Variants in CHD2 observed in about 807,000 individuals in gnomAD.
CHD2 encodes the protein ATP-dependent chromatin remodeler CHD2.
A neutral mutation model predicts 243.9 loss-of-function variants in CHD2; 28 were observed. The ratio of observed to expected loss-of-function variants is 0.11; its 90% CI spans 0.09 to 0.16. The LOEUF is 0.16. Ranked by LOEUF, CHD2 falls within the 10% of genes least tolerant of loss-of-function variation. The pLI is 1.00. For missense variants in CHD2, 1,386 were observed against 2,209.8 expected (o/e 0.63, Z 7.47); for synonymous variants, 775 against 779.0 (o/e 0.99, Z 0.09).
intron 2 of CHD2, among the ~76,000 whole-genome samples, chr15:92,903,204 T>C (rs1000025751): frequency 6.6e-6 from 1 of 152,248 alleles, no homozygotes; most frequent in Non-Finnish European, 1.5e-5. Flanking sequence ...TGTAGAATGT[T>C]AGTGGTGTTT....
chr15:92,950,435 A>G (rs1396401921), intron 13 of CHD2: 1 of 152,202 alleles, frequency 6.6e-6, no homozygotes, highest in Non-Finnish European at 1.5e-5. Context: ...ATGCAGTGTA[A>G]GAAGTACCTT....
intron 19 of CHD2, chr15:92,974,163 G>A (rs973619282): frequency 2.0e-5 from 3 of 152,206 alleles, no homozygotes; most frequent in Non-Finnish European, 2.9e-5. Flanking sequence ...CAGCATGCAG[G>A]TGATAATTCT....
At chr15:92,924,040 A>C (rs575057869) in intron 2 of CHD2, among the ~76,000 whole-genome samples, 1 of 152,354 alleles carries the variant, frequency 6.6e-6, no homozygotes, top group South Asian at 2.1e-4. Flanking sequence ...TGAAGGGGAC[A>C]GTAATATCCA....
intron 24 of CHD2, among the ~76,000 whole-genome samples, chr15:92,983,003 G>A (rs2053998752): frequency 6.6e-6 from 1 of 152,280 alleles, no homozygotes; most frequent in East Asian, 1.9e-4. Flanking sequence ...TTCTGGTGGA[G>A]GCTCTCAGGT....
chr15:92,969,810 T>A (rs1039884721), intron 17 of CHD2, among the ~76,000 whole-genome samples: 1 of 144,988 alleles, frequency 6.9e-6, no homozygotes, highest in Admixed American at 7.0e-5. Flanking sequence ...GGTTAAGATT[T>A]TCTTTTTTTT....
At chr15:92,977,472 A>G (rs1245560396) in intron 20 of CHD2, among the ~76,000 whole-genome samples, 1 of 152,160 alleles carries the variant, frequency 6.6e-6, no homozygotes, top group Admixed American at 6.5e-5. Flanking sequence ...GACATATATG[A>G]TTAAATTCCC....
chr15:92,912,889 G>T (rs556138072), intron 2 of CHD2, among the ~76,000 whole-genome samples: 53 of 152,334 alleles, frequency 3.5e-4, no homozygotes, highest in Middle Eastern at 3.4e-3. Flanking sequence ...CCATTTAGAT[G>T]CAGGTTGGCA....
At position 92,998,723 on chromosome 15, in the gene CHD2, T is replaced by G. The variant is rs150697761; in HGVS notation, c.4008+102T>G. 1.2e-4 allele frequency: 165 copies of G among 1,358,292 alleles called. 1 individual carries two copies. The East Asian group carries it at 3.7e-3, about 30-fold the overall frequency. The allele number at this position is 1,358,292 out of a possible 1,614,324, so 84.1% of individuals were successfully genotyped here. Reference sequence around the variant, plus strand: ...CCCTCTCTGAGCACTGCACAGAATGTCACCTTCTCATGGGCATATTTTGTT... The same window carrying G: ...CCCTCTCTGAGCACTGCACAGAATGGCACCTTCTCATGGGCATATTTTGTT... On this transcript the variant is annotated intron_variant, in intron 31 of 38. Transcript: ENST00000394196. This position sits in a 1 kb window ranked among gnomAD's most constrained non-coding sequence, Gnocchi z 5.1.
chr15:92,901,121 G>C, intron 1 of CHD2, 46 bp from the exon 2 acceptor site: 1 of 688,322 alleles, frequency 1.5e-6, no homozygotes. Flanking sequence ...ATAATAAAAA[G>C]CATCGATAGA....
At position 92,998,100 on chromosome 15, in the gene CHD2, G is replaced by A. The variant is rs746481006; in HGVS notation, c.3886-399G>A. The A allele has an allele frequency of 2.3e-5, 19 of 813,792 alleles. No individual in the cohort carries two copies. Among genetic ancestry groups the A allele is most frequent in the Non-Finnish European group, 2.7e-5 (18 of 667,410 alleles). 50.4% of individuals were successfully genotyped at this position (813,792 alleles called of 1,614,324 possible). On this transcript the variant is annotated intron_variant, in intron 30 of 38. Transcript: ENST00000394196. This position sits in a 1 kb window ranked among gnomAD's most constrained non-coding sequence, Gnocchi z 5.1. The stretch of plus-strand genomic sequence containing the variant: ...GTCCTGGCGTAGCTCAGTGCTCTCC[G>A]GCAATGCTCTAAGAAGCATTTTCAA...
intron 37 of CHD2, among the ~76,000 whole-genome samples, chr15:93,018,744 G>A (rs1048496825): frequency 2.0e-5 from 3 of 151,806 alleles, no homozygotes; most frequent in Non-Finnish European, 2.9e-5. Flanking sequence ...GACTCACGCC[G>A]ATTTCTGCCT....
Position 92,924,383 on chromosome 15 carries a change from G to A in CHD2, c.125G>A (p.Gly42Glu). ...DSGSQSESEQ[G>E]SDPGSGHGSE... ...GGCAGTCAGTCGGAAAGTGAGCAGG[G>A]AAGTGATCCAGGAAGTGGACATGGC... Residue 42 changes from glycine (G) to glutamate (E), a missense_variant, in exon 3 of 39, where the codon GGA (glycine) becomes GAA (glutamate). Physicochemically the swap from Gly to Glu is moderately conservative, Grantham distance 98. This residue lies in a region of CHD2 where 89 missense variants were observed against 102.4 expected (regional missense o/e 0.87). Transcript: ENST00000394196. The A allele has an allele frequency of 6.2e-7, 1 of 1,614,074 alleles. No individual in the cohort carries two copies. Among genetic ancestry groups the A allele is most frequent in the Non-Finnish European group, 8.5e-7 (1 of 1,180,012 alleles).
Position 92,949,007 on chromosome 15 carries a change from G to A in CHD2, c.1433G>A (p.Gly478Glu). 1 of 1,614,118 alleles carries A rather than the reference G, an allele frequency of 6.2e-7. No individual in the cohort carries two copies. The highest frequency in any genetic ancestry group is 8.5e-7 in the Non-Finnish European group (1 of 1,180,008). Residue 478 changes from glycine to glutamate, a missense_variant, in exon 13 of 39, where the codon GGA becomes GAA. By Grantham distance (98) the Gly-to-Glu change is moderately conservative. Coordinates refer to ENST00000394196, the MANE Select transcript of CHD2 (RefSeq NM_001271.4). ...VALKKQPAYL[G>E]GENLELRDYQ... ...TTAAAGAAACAACCTGCATATTTAG[G>A]AGGGGAGAATCTGGAACTTCGAGAT...
In CHD2 at chr15:92,937,597, G is replaced by T; in HGVS notation, c.523G>T (p.Val175Leu). ...AGAGAGTGAGCCAGAACAAAAAAAA[G>T]TAAAAGCCAGAAGACCTGTCCCCAG... ...SAESEPEQKK[V>L]KARRPVPRRT... Residue 175 changes from valine to leucine, a missense_variant, in exon 6 of 39, where the codon GTA becomes TTA. Physicochemically the swap from Val to Leu is conservative, Grantham distance 32 (BLOSUM62 1). Around this residue, in one of 19 missense-constraint regions of CHD2, gnomAD observed 90 missense variants for 78.0 expected, o/e 1.15. Coordinates refer to ENST00000394196, the MANE Select transcript of CHD2 (RefSeq NM_001271.4). 1 of 1,613,608 alleles carries T rather than the reference G, an allele frequency of 6.2e-7. No homozygotes were observed. Among genetic ancestry groups the T allele is most frequent in the Non-Finnish European group, 8.5e-7 (1 of 1,179,738 alleles).
chr15:92,977,230 G>C (rs968638736), intron 20 of CHD2, among the ~76,000 whole-genome samples: 1 of 152,146 alleles, frequency 6.6e-6, no homozygotes, highest in Admixed American at 6.5e-5. Flanking sequence ...TATGTGCCTG[G>C]ACACTCCTGT....
Position 92,997,483 on chromosome 15 carries a change from T to C in CHD2, c.3885+80T>C, listed in dbSNP as rs1025193901. On this transcript the variant is annotated intron_variant, in intron 30 of 38. Coordinates refer to ENST00000394196, the MANE Select transcript of CHD2 (RefSeq NM_001271.4). This position sits in a 1 kb window ranked among gnomAD's most constrained non-coding sequence, Gnocchi z 4.1. ...TATATCGATTACTTATTTCTAACTA[T>C]TTTCGAGGGGGCATCAAATTAGAAA... is the stretch of plus-strand genomic sequence containing the variant. 1 of 1,292,728 alleles carries C rather than the reference T, an allele frequency of 7.7e-7. No individual in the cohort carries two copies. The highest frequency in any genetic ancestry group is 1.0e-6 in the Non-Finnish European group (1 of 962,762). The allele number at this position is 1,292,728 out of a possible 1,614,324, so 80.1% of individuals were successfully genotyped here. A position where few individuals can be genotyped will look rare whatever the true frequency, so the allele number is the denominator to read the frequency against.
At chr15:92,911,824 T>G (rs2052741999) in intron 2 of CHD2, among the ~76,000 whole-genome samples, 1 of 152,158 alleles carries the variant, frequency 6.6e-6, no homozygotes, top group South Asian at 2.1e-4. Flanking sequence ...AAATCTTGCA[T>G]AATTCTGTAG....
Position 93,027,362 on chromosome 15 carries a change from G to C in CHD2, c.*2657G>C, listed in dbSNP as rs527536928. 7 of 152,320 alleles carry C rather than the reference G, an allele frequency of 4.6e-5. No homozygotes were observed. In the East Asian group the frequency reaches 1.2e-3, roughly 25 times the overall value. The allele number at this position is 152,320 out of a possible 1,614,324, so 9.4% of individuals were successfully genotyped here. A position where few individuals can be genotyped will look rare whatever the true frequency, so the allele number is the denominator to read the frequency against. ...TTAGCATCACCTAAAACCTGCACGT[G>C]AACAAGGGTTGACATGATACACTAT... On this transcript the variant is annotated 3_prime_UTR_variant, in exon 39 of 39. Coordinates refer to ENST00000394196, the MANE Select transcript of CHD2 (RefSeq NM_001271.4).
At chr15:92,951,418 G>C (rs745623777) in intron 13 of CHD2, among the ~76,000 whole-genome samples, 2 of 152,104 alleles carry the variant, frequency 1.3e-5, no homozygotes, top group Non-Finnish European at 2.9e-5. Context: ...TGATCTGCCT[G>C]CCTTGGCCTC....
Sources: allele counts gnomAD v4.1 joint callset (sites outside exome capture counted in the v4.1 genomes callset), GRCh38; gene constraint gnomAD v4.1.1; regional missense constraint gnomAD v4.1.1; non-coding constraint Gnocchi (gnomAD v3.1); transcripts MANE v1.5; gene names NCBI Gene and HGNC (gene_info 2026-07-23, HGNC 2026-07-21).